DOCK1: variants seen among roughly 807,000 people sequenced by gnomAD.
The protein encoded by DOCK1 is dedicator of cytokinesis 1, also known as dedicator of cytokinesis protein 1.
A neutral mutation model predicts 262.7 loss-of-function variants in DOCK1; 138 were observed. The ratio of observed to expected loss-of-function variants is 0.53; its 90% CI spans 0.46 to 0.61. The LOEUF (loss-of-function observed/expected upper bound fraction) is 0.61. Ranked by LOEUF, DOCK1 falls within the 20% of genes least tolerant of loss-of-function variation. The pLI is 0.00. For missense variants in DOCK1, 1,908 were observed against 2,370.7 expected, an observed-to-expected ratio of 0.80 and a Z score of 4.05; for synonymous variants, 866 against 867.4, an observed-to-expected ratio of 1.00 and a Z score of 0.03.
At chr10:127,257,580 A>G (rs1231756906) in intron 29 of DOCK1, 151 bp downstream of exon 29, 5 of 582,890 alleles carry the variant, frequency 8.6e-6, no homozygotes, top group Non-Finnish European at 1.2e-5. Flanking sequence ...TTCTAGGGAG[A>G]CAGGGACTCT....
intron 1 of DOCK1, among the ~76,000 whole-genome samples, chr10:126,930,684 A>G (rs1299578022): frequency 6.6e-6 from 1 of 152,210 alleles, no homozygotes; most frequent in African/African-American, 2.4e-5. Flanking sequence ...GGCCTCGTGC[A>G]CAGGAGTCCA....
At chr10:126,918,014 C>T (rs1297721080) in intron 1 of DOCK1, among the ~76,000 whole-genome samples, 1 of 152,210 alleles carries the variant, frequency 6.6e-6, no homozygotes, top group Non-Finnish European at 1.5e-5. Flanking sequence ...AGAGACTCAG[C>T]TGTGCCCATT....
intron 27 of DOCK1, among the ~76,000 whole-genome samples, chr10:127,215,015 T>C (rs183288212): frequency 3.3e-5 from 5 of 152,294 alleles, no homozygotes; most frequent in Admixed American, 3.3e-4. Context: ...TTAATCATCG[T>C]GTACAGTCTC....
intron 27 of DOCK1, among the ~76,000 whole-genome samples, chr10:127,245,498 C>T (rs982156110): frequency 6.6e-6 from 1 of 152,344 alleles, no homozygotes; most frequent in African/African-American, 2.4e-5. Context: ...CTGATATGCT[C>T]TTCCAGAGAG....
intron 37 of DOCK1, among the ~76,000 whole-genome samples, chr10:127,384,059 G>A (rs368665702): frequency 6.6e-6 from 1 of 152,110 alleles, no homozygotes; most frequent in Non-Finnish European, 1.5e-5. Context: ...GGCATCTTCC[G>A]CCTCCTCTTT....
At chr10:127,051,045 ATAGTT>A (rs1372179937) in intron 21 of DOCK1, among the ~76,000 whole-genome samples, 1 of 152,140 alleles carries the variant, frequency 6.6e-6, no homozygotes, top group Admixed American at 6.5e-5. Context: ...CTCCTAATAT[ATAGTT>A]TATTTATACC....
intron 29 of DOCK1, among the ~76,000 whole-genome samples, chr10:127,330,529 C>A (rs1434195916): frequency 6.6e-6 from 1 of 152,032 alleles, no homozygotes; most frequent in Non-Finnish European, 1.5e-5. Flanking sequence ...TAGGATGGTT[C>A]CTCTAAAACT....
chr10:127,442,369 G>A (rs2070224490), intron 49 of DOCK1, among the ~76,000 whole-genome samples: 1 of 152,142 alleles, frequency 6.6e-6, no homozygotes, highest in Non-Finnish European at 1.5e-5. Context: ...GCCCAGAGCT[G>A]CCCACTCACC....
chr10:127,049,991 T>TTC (rs869167803), intron 21 of DOCK1, among the ~76,000 whole-genome samples: 1 of 138,430 alleles, frequency 7.2e-6, no homozygotes, highest in African/African-American at 2.7e-5. Context: ...TTTTTTTTTT[T>TTC]ACTATAGTGA....
intron 27 of DOCK1, among the ~76,000 whole-genome samples, chr10:127,239,886 C>T (rs540662988): frequency 1.3e-5 from 2 of 152,084 alleles, no homozygotes; most frequent in East Asian, 3.9e-4. Flanking sequence ...CTCATTACAC[C>T]ATAAACTATA....
At chr10:127,277,477 G>A (rs1181963462) in intron 29 of DOCK1, among the ~76,000 whole-genome samples, 1 of 152,136 alleles carries the variant, frequency 6.6e-6, no homozygotes, top group Non-Finnish European at 1.5e-5. Context: ...TTGAATAAGG[G>A]CTGGGCATGG....
At chr10:127,288,488 C>A (rs1007662102) in intron 29 of DOCK1, among the ~76,000 whole-genome samples, 3 of 151,666 alleles carry the variant, frequency 2.0e-5, no homozygotes, top group Non-Finnish European at 4.4e-5. Context: ...TTTTTTAATT[C>A]TCTTTTCCCT....
Position 126,953,524 on chromosome 10 carries a change from T to C in DOCK1, c.47-17178T>C, listed in dbSNP as rs1015240701. ...GTTTTGGTAATGTTGGTGGTGGTAG[T>C]ACTGCTGATGGTGGTGGTGGTGGTA... On this transcript the variant is annotated intron_variant, in intron 1 of 51. Coordinates refer to ENST00000623213, the MANE Select transcript of DOCK1 (RefSeq NM_001290223.2). Among the ~76,000 whole-genome samples, 44 of 152,086 alleles carry C rather than the reference T, an allele frequency of 2.9e-4. 1 individual carries two copies. The East Asian group carries it at 6.2e-3, about 21-fold the overall frequency.
chr10:126,941,605 A>AAC (rs2034999877), intron 1 of DOCK1, among the ~76,000 whole-genome samples: 1 of 152,032 alleles, frequency 6.6e-6, no homozygotes, highest in Non-Finnish European at 1.5e-5. Flanking sequence ...AAGTACAAAA[A>AAC]ATTAGCCAGG....
intron 10 of DOCK1, chr10:127,000,591 G>A (rs2040511045): frequency 2.9e-6 from 1 of 341,480 alleles, no homozygotes; most frequent in Non-Finnish European, 5.3e-6. Flanking sequence ...TCAGTCTGTA[G>A]GGAAGCCAGT....
intron 29 of DOCK1, among the ~76,000 whole-genome samples, chr10:127,321,649 C>T (rs1258087030): frequency 6.6e-6 from 1 of 151,888 alleles, no homozygotes; most frequent in East Asian, 2.0e-4. Context: ...GTGGATGGCT[C>T]CCCAACCTTC....
At chr10:127,288,265 G>A (rs11017115) in intron 29 of DOCK1, among the ~76,000 whole-genome samples, 10,178 of 152,180 alleles carry the variant, frequency 0.067, 399 homozygotes, top group East Asian at 0.11. Flanking sequence ...AGTAGTCTTT[G>A]ATAATGGCTT....
At chr10:127,310,462 A>T (rs989738263) in intron 29 of DOCK1, among the ~76,000 whole-genome samples, 11 of 152,294 alleles carry the variant, frequency 7.2e-5, no homozygotes, top group Non-Finnish European at 1.5e-4. Flanking sequence ...TATGGATTTG[A>T]TAAGAAACAA....
At chr10:127,182,296 A>C (rs1245508711) in intron 27 of DOCK1, among the ~76,000 whole-genome samples, 1 of 152,118 alleles carries the variant, frequency 6.6e-6, no homozygotes, top group Non-Finnish European at 1.5e-5. Flanking sequence ...TTTAGAAAAC[A>C]CTCTTAACGA....
Sources: gnomAD v4.1 joint callset for allele counts (sites outside exome capture counted in the v4.1 genomes callset) on GRCh38, gnomAD v4.1.1 for gene constraint, MANE v1.5 for transcripts, NCBI Gene and HGNC (gene_info 2026-07-23, HGNC 2026-07-21) for gene names.